The following SETDB1 variants were observed in gnomAD, a reference collection of about 807,000 sequenced individuals.
SETDB1 encodes the protein SET domain bifurcated histone lysine methyltransferase 1.
A neutral mutation model predicts 137.4 loss-of-function variants in SETDB1; 31 were observed. That is an observed-to-expected ratio of 0.23 (90% CI 0.17 to 0.30). SETDB1 has a LOEUF of 0.30. Ranked by LOEUF, SETDB1 falls within the 10% of genes least tolerant of loss-of-function variation. SETDB1 has a pLI of 1.00. For synonymous variants in SETDB1, 548 were observed against 579.9 expected (o/e 0.95, Z 0.79); for missense variants, 1,113 against 1,631.5 (o/e 0.68, Z 5.47).
At chr1:150,943,230 T>G (rs1215104497) in intron 7 of SETDB1, among the ~76,000 whole-genome samples, 177 bp downstream of exon 7, 1 of 152,166 alleles carries the variant, frequency 6.6e-6, no homozygotes, top group African/African-American at 2.4e-5. Flanking sequence ...CTCTTTCTCC[T>G]CCTGTTTTTT....
chr1:150,934,966 T>TG (rs1346025200), intron 3 of SETDB1, among the ~76,000 whole-genome samples: 1 of 152,022 alleles, frequency 6.6e-6, no homozygotes, highest in African/African-American at 2.4e-5. Flanking sequence ...GGACTACAGG[T>TG]GTGCACCACC....
chr1:150,931,026 G>C (rs1205291133), intron 3 of SETDB1, among the ~76,000 whole-genome samples: 1 of 149,920 alleles, frequency 6.7e-6, no homozygotes. Context: ...TTGGGAGGTT[G>C]AGGTGGGAGG....
At chr1:150,951,111 G>A in intron 13 of SETDB1, 21 bp downstream of exon 13, 1 of 1,590,086 alleles carries the variant, frequency 6.3e-7, no homozygotes, top group Non-Finnish European at 8.6e-7. Context: ...GGGGGGAATT[G>A]CTGCCCCTGC....
intron 9 of SETDB1, chr1:150,945,371 G>A: frequency 4.0e-6 from 5 of 1,248,570 alleles, no homozygotes; most frequent in Non-Finnish European, 5.3e-6. Flanking sequence ...TATTCACATT[G>A]TGTGTAGGTA....
chr1:150,942,009 G>A (rs1322325453), intron 5 of SETDB1, among the ~76,000 whole-genome samples: 1 of 151,622 alleles, frequency 6.6e-6, no homozygotes, highest in Non-Finnish European at 1.5e-5. Context: ...GCGTGGTGGC[G>A]CACGCCTGTA....
intron 10 of SETDB1, 77 bp from the exon 11 acceptor site, chr1:150,949,045 T>TTAAGGATCAGATG: frequency 7.3e-7 from 1 of 1,370,044 alleles, no homozygotes; most frequent in Non-Finnish European, 1.0e-6. Context: ...ATTGTATAAG[T>TTAAGGATCAGATG]TAAGGATCAG....
chr1:150,935,880 T>G (rs775684610), intron 3 of SETDB1, among the ~76,000 whole-genome samples: 2 of 152,330 alleles, frequency 1.3e-5, no homozygotes, highest in Admixed American at 6.5e-5. Flanking sequence ...TAGGTCACAC[T>G]TTCATGTTTC....
chr1:150,957,949 C>T (rs1004468545), intron 14 of SETDB1, among the ~76,000 whole-genome samples: 4 of 152,052 alleles, frequency 2.6e-5, no homozygotes, highest in East Asian at 1.9e-4. Context: ...CCCTTTGGTT[C>T]GCTAAGGCAG....
chr1:150,944,092 C>A, intron 8 of SETDB1, 99 bp downstream of exon 8: 1 of 875,856 alleles, frequency 1.1e-6, no homozygotes, highest in Non-Finnish European at 1.9e-6. Flanking sequence ...TTTGGTATTT[C>A]AGTCTCAAAG....
intron 3 of SETDB1, among the ~76,000 whole-genome samples, chr1:150,939,195 A>G (rs1477064407): frequency 1.5e-5 from 2 of 134,848 alleles, no homozygotes; most frequent in African/African-American, 2.8e-5. Flanking sequence ...TAGGTGATCC[A>G]CCCACCTCGG....
At chr1:150,927,210 G>T (rs1669554736) in intron 1 of SETDB1, among the ~76,000 whole-genome samples, 1 of 152,164 alleles carries the variant, frequency 6.6e-6, no homozygotes, top group Admixed American at 6.5e-5. Context: ...CACTACAGCA[G>T]CTACTCCTGG....
rs1334566141 is a variant in SETDB1 at position 150,959,217 on chromosome 1, CAT to C, written c.2374_2375del (p.Met792ValfsTer31). The C allele has an allele frequency of 1.3e-6, 2 of 1,595,938 alleles. No homozygotes were observed. The highest frequency in any genetic ancestry group is 8.5e-7 in the Non-Finnish European group (1 of 1,174,400). ...CNKRCKCDPN[M>X]CTNRLVQHGL... ...ACAAACGCTGCAAATGTGACCCAAA[CAT>C]GTGCACAAACCGGTTGGTGCAACAT... On this transcript the variant is annotated frameshift_variant, in exon 15 of 22. Coordinates refer to ENST00000692827, the MANE Select transcript of SETDB1 (RefSeq NM_001366418.1). LOFTEE classifies it high-confidence loss of function.
chr1:150,950,352 C>A (rs1670461595), intron 12 of SETDB1, 106 bp from the exon 13 acceptor site: 1 of 974,748 alleles, frequency 1.0e-6, no homozygotes, highest in Non-Finnish European at 1.5e-6. Flanking sequence ...GCTTCAGGAG[C>A]ACAGCTGTTT....
At chr1:150,950,095 G>A (rs1364341864) in intron 12 of SETDB1, among the ~76,000 whole-genome samples, 12 of 152,120 alleles carry the variant, frequency 7.9e-5, no homozygotes, top group East Asian at 1.9e-4. Flanking sequence ...TTAGCCAGGC[G>A]TGGTGGCGCA....
At chr1:150,940,028 AT>A in intron 4 of SETDB1, 54 bp downstream of exon 4, 5 of 1,445,754 alleles carry the variant, frequency 3.5e-6, no homozygotes, top group Admixed American at 1.7e-5. Flanking sequence ...AAATAGGAGA[AT>A]TTTTTGGCCT....
intron 3 of SETDB1, among the ~76,000 whole-genome samples, chr1:150,931,889 A>G (rs1344799942): frequency 6.6e-6 from 1 of 152,022 alleles, no homozygotes; most frequent in Non-Finnish European, 1.5e-5. Flanking sequence ...AGATTTTATC[A>G]TAGCCTAATT....
At chr1:150,961,412 G>A (rs902232955) in intron 16 of SETDB1, 3 of 508,252 alleles carry the variant, frequency 5.9e-6, no homozygotes, top group African/African-American at 1.9e-5. Flanking sequence ...CAACACTTTG[G>A]GAGGCCGAGG....
intron 16 of SETDB1, chr1:150,961,481 C>A (rs1670819804): frequency 2.7e-6 from 1 of 365,670 alleles, no homozygotes; most frequent in Non-Finnish European, 5.2e-6. Flanking sequence ...TGGTGAAACC[C>A]CGTCTCTACT....
intron 14 of SETDB1, among the ~76,000 whole-genome samples, chr1:150,953,473 C>T (rs1199909558): frequency 6.6e-6 from 1 of 151,464 alleles, no homozygotes; most frequent in East Asian, 1.9e-4. Flanking sequence ...TTGCAGTGAG[C>T]CAAGACCGCA....
Sources: allele counts gnomAD v4.1 joint callset (sites outside exome capture counted in the v4.1 genomes callset), GRCh38; gene constraint gnomAD v4.1.1; transcripts MANE v1.5; gene names NCBI Gene and HGNC (gene_info 2026-07-23, HGNC 2026-07-21).